The following LRRC4C variants were observed in gnomAD, a reference collection of about 807,000 sequenced individuals.
The protein encoded by LRRC4C is leucine-rich repeat-containing protein 4C.
LRRC4C carries 5 observed loss-of-function variants against 33.6 expected under a neutral mutation model. The ratio of observed to expected loss-of-function variants is 0.15; its 90% CI spans 0.08 to 0.31. LRRC4C has a LOEUF of 0.31. LRRC4C is among the 10% of genes least tolerant of loss of function. LRRC4C has a pLI of 1.00. For missense variants in LRRC4C, 560 were observed against 796.7 expected, an observed-to-expected ratio of 0.70 and a Z score of 3.58; for synonymous variants, 329 against 302.0, an observed-to-expected ratio of 1.09 and a Z score of -0.93.
intron 1 of LRRC4C, among the ~76,000 whole-genome samples, chr11:40,940,449 T>C (rs1271393141): frequency 6.6e-6 from 1 of 152,154 alleles, no homozygotes; most frequent in African/African-American, 2.4e-5. Context: ...ATTTCTTCAC[T>C]CTGCTCTTCC....
intron 1 of LRRC4C, among the ~76,000 whole-genome samples, chr11:41,190,560 C>T (rs538361453): frequency 6.6e-5 from 10 of 152,230 alleles, no homozygotes; most frequent in East Asian, 3.9e-4. Context: ...GCATTTATCA[C>T]GGTCAGAGAA....
chr11:40,415,245 A>G (rs1376664329), intron 3 of LRRC4C, among the ~76,000 whole-genome samples: 1 of 152,244 alleles, frequency 6.6e-6, no homozygotes, highest in Non-Finnish European at 1.5e-5. Context: ...CAGATTCACC[A>G]GTATAGAATT....
intron 3 of LRRC4C, among the ~76,000 whole-genome samples, chr11:40,484,500 A>G (rs1249408161): frequency 6.6e-6 from 1 of 152,118 alleles, no homozygotes; most frequent in Non-Finnish European, 1.5e-5. Flanking sequence ...AAGGATGGAA[A>G]TAAGGATACG....
chr11:41,166,814 G>A (rs1944750844), intron 1 of LRRC4C, among the ~76,000 whole-genome samples: 1 of 152,146 alleles, frequency 6.6e-6, no homozygotes, highest in South Asian at 2.1e-4. Flanking sequence ...AGGAATGAGG[G>A]TAAACAAACA....
intron 5 of LRRC4C, among the ~76,000 whole-genome samples, chr11:40,178,348 A>G (rs1860692117): frequency 6.6e-6 from 1 of 152,186 alleles, no homozygotes; most frequent in Non-Finnish European, 1.5e-5. Context: ...GCAGAAGTGA[A>G]GAGGCAACAG....
chr11:40,713,249 A>C (rs894364314), intron 2 of LRRC4C, among the ~76,000 whole-genome samples: 2 of 152,144 alleles, frequency 1.3e-5, no homozygotes, highest in African/African-American at 4.8e-5. Flanking sequence ...TGTAGAGGGC[A>C]GACTAAGTTC....
At chr11:40,990,954 A>C (rs1044406025) in intron 1 of LRRC4C, among the ~76,000 whole-genome samples, 5 of 152,008 alleles carry the variant, frequency 3.3e-5, no homozygotes, top group African/African-American at 1.2e-4. Flanking sequence ...TGTCAGATGG[A>C]CTAGTTCCTG....
At position 40,192,235 on chromosome 11, in the gene LRRC4C, G is replaced by A. The variant is rs1276819111; in HGVS notation, c.-96+49284C>T. On this transcript the variant is annotated intron_variant, in intron 5 of 6. Coordinates refer to ENST00000528697, the MANE Select transcript of LRRC4C (RefSeq NM_001258419.2). ...AGCTCCCAGCGAGAACAACACAGAA[G>A]GTGGGTGATTTCTGCTTTTCCAGTG... Among the ~76,000 whole-genome samples, 10 of 152,236 alleles carry A rather than the reference G, an allele frequency of 6.6e-5. No homozygotes were observed. In the East Asian group the frequency reaches 1.7e-3, roughly 27 times the overall value.
At chr11:41,169,870 T>C (rs543836276) in intron 1 of LRRC4C, among the ~76,000 whole-genome samples, 19 of 152,196 alleles carry the variant, frequency 1.2e-4, no homozygotes, top group Non-Finnish European at 2.5e-4. Context: ...ATATTTAATA[T>C]GAAATAAATC....
chr11:40,791,085 T>C (rs896764838), intron 2 of LRRC4C, among the ~76,000 whole-genome samples: 3 of 152,180 alleles, frequency 2.0e-5, no homozygotes, highest in African/African-American at 7.2e-5. Flanking sequence ...GTTTTTTGTG[T>C]TCCAGATAAG....
At chr11:40,836,844 ATTATTG>A (rs1952694095) in intron 2 of LRRC4C, among the ~76,000 whole-genome samples, 1 of 152,156 alleles carries the variant, frequency 6.6e-6, no homozygotes, top group Non-Finnish European at 1.5e-5. Flanking sequence ...CTAAGTGACC[ATTATTG>A]TTATTATTAC....
chr11:40,521,754 A>T (rs987667816), intron 3 of LRRC4C, among the ~76,000 whole-genome samples: 2 of 152,116 alleles, frequency 1.3e-5, no homozygotes, highest in African/African-American at 4.8e-5. Flanking sequence ...CTGTAGTCCC[A>T]GCTACTTGGG....
intron 1 of LRRC4C, among the ~76,000 whole-genome samples, chr11:41,227,764 T>C (rs1021695001): frequency 6.6e-6 from 1 of 152,158 alleles, no homozygotes; most frequent in Admixed American, 6.6e-5. Flanking sequence ...ACCTTTCTCC[T>C]CAGAGTGAAA....
At chr11:40,984,558 G>T (rs1852851091) in intron 1 of LRRC4C, among the ~76,000 whole-genome samples, 1 of 152,142 alleles carries the variant, frequency 6.6e-6, no homozygotes, top group Non-Finnish European at 1.5e-5. Flanking sequence ...TAGGGTGAAT[G>T]AGAGAGGAGA....
At chr11:40,818,577 T>C (rs969118207) in intron 2 of LRRC4C, among the ~76,000 whole-genome samples, 29 of 152,024 alleles carry the variant, frequency 1.9e-4, no homozygotes, top group African/African-American at 6.5e-4. Context: ...TCAGTTTCTA[T>C]GATAAGGAAA....
chr11:40,494,718 TAGG>T (rs1384611374), intron 3 of LRRC4C, among the ~76,000 whole-genome samples: 2 of 152,172 alleles, frequency 1.3e-5, no homozygotes, highest in Non-Finnish European at 2.9e-5. Flanking sequence ...TCTGCTTTCA[TAGG>T]AGAAGAAGCA....
chr11:41,069,461 G>A (rs969891410), intron 1 of LRRC4C, among the ~76,000 whole-genome samples: 2 of 152,146 alleles, frequency 1.3e-5, no homozygotes, highest in Non-Finnish European at 2.9e-5. Context: ...ATTCAAATAG[G>A]AAGAAAGGAA....
At chr11:41,169,988 C>T (rs986681559) in intron 1 of LRRC4C, among the ~76,000 whole-genome samples, 3 of 151,970 alleles carry the variant, frequency 2.0e-5, no homozygotes, top group Non-Finnish European at 4.4e-5. Flanking sequence ...GAAAAATAAG[C>T]CCATTTACCT....
chr11:40,322,444 C>T (rs1230997675), intron 3 of LRRC4C, among the ~76,000 whole-genome samples: 1 of 152,022 alleles, frequency 6.6e-6, no homozygotes, highest in Non-Finnish European at 1.5e-5. Context: ...TGGGGTGTTG[C>T]CATGTTGGCC....
Sources: gnomAD v4.1 joint callset for allele counts (sites outside exome capture counted in the v4.1 genomes callset) on GRCh38, gnomAD v4.1.1 for gene constraint, MANE v1.5 for transcripts, NCBI Gene and HGNC (gene_info 2026-07-23, HGNC 2026-07-21) for gene names.